PATJ: variants seen among roughly 807,000 people sequenced by gnomAD.
The protein encoded by PATJ is inaD-like protein.
In PATJ, 190 loss-of-function variants were observed where a neutral mutation model predicts 224.9. The observed-to-expected ratio is 0.84, with a 90% CI of 0.75 to 0.95. The LOEUF is 0.95. Among genes scored for constraint, PATJ ranks in the 40% least tolerant of loss-of-function variants. The pLI is 0.00. For missense variants in PATJ, 2,121 were observed against 2,270.3 expected, an observed-to-expected ratio of 0.93 and a Z score of 1.34; for synonymous variants, 769 against 820.3, an observed-to-expected ratio of 0.94 and a Z score of 1.07.
intron 27 of PATJ, among the ~76,000 whole-genome samples, chr1:61,989,868 T>C (rs1314324000): frequency 6.6e-6 from 1 of 152,146 alleles, no homozygotes; most frequent in Admixed American, 6.6e-5. Flanking sequence ...AGTACCTTCA[T>C]TCTCAAAAAT....
At position 62,086,242 on chromosome 1, in the gene PATJ, GTA is replaced by G. The variant is rs1051511669; in HGVS notation, c.4377+1596_4377+1597del. ...TTAATTAATGCATGTGTGTGTGTGTGTATGTGTGTGTGTGTGTTTAATACCTG... is the reference window on the plus strand; with the variant it reads ...TTAATTAATGCATGTGTGTGTGTGTGTGTGTGTGTGTGTGTTTAATACCTG... On this transcript the variant is annotated intron_variant, in intron 33 of 43. Coordinates refer to ENST00000642238, the MANE Select transcript of PATJ (RefSeq NM_001350145.3). This position sits in a 1 kb window ranked among gnomAD's most constrained non-coding sequence, Gnocchi z 4.0. 1.3e-5 allele frequency among the ~76,000 whole-genome samples: 2 copies of G among 150,398 alleles called. No homozygotes were observed. Among genetic ancestry groups the G allele is most frequent in the East Asian group, 1.9e-4 (1 of 5,174 alleles).
intron 27 of PATJ, among the ~76,000 whole-genome samples, chr1:61,971,852 A>G (rs72676289): frequency 0.013 from 1,996 of 151,398 alleles, 19 homozygotes; most frequent in Non-Finnish European, 0.02. Context: ...ATCCAGGTAC[A>G]ATGGTGGGTA....
At chr1:61,838,611 C>T (rs1660595446) in intron 17 of PATJ, among the ~76,000 whole-genome samples, 1 of 148,742 alleles carries the variant, frequency 6.7e-6, no homozygotes, top group South Asian at 2.1e-4. Flanking sequence ...ACCTCGTGAT[C>T]CACCTGCCTT....
intron 28 of PATJ, among the ~76,000 whole-genome samples, chr1:62,004,267 A>C (rs1645963951): frequency 6.6e-6 from 1 of 152,226 alleles, no homozygotes; most frequent in African/African-American, 2.4e-5. Context: ...CCTAGAACAC[A>C]GTGTTTAATA....
At chr1:61,751,064 C>T (rs1478928654) in intron 1 of PATJ, among the ~76,000 whole-genome samples, 4 of 146,496 alleles carry the variant, frequency 2.7e-5, no homozygotes, top group Admixed American at 7.0e-5. Flanking sequence ...TGCAGTGGTG[C>T]GATCTCCACT....
At chr1:61,897,457 G>A (rs1344142372) in intron 22 of PATJ, among the ~76,000 whole-genome samples, 2 of 152,196 alleles carry the variant, frequency 1.3e-5, no homozygotes, top group Non-Finnish European at 2.9e-5. Context: ...GTTGTCATCA[G>A]GGTCTTAAAT....
In PATJ at chr1:61,770,532, CATG is replaced by C. The variant is rs1355765717; in HGVS notation, c.525-896_525-894del. 2.6e-5 allele frequency among the ~76,000 whole-genome samples: 4 copies of C among 152,126 alleles called. No individual in the cohort carries two copies. In the East Asian group the frequency reaches 7.7e-4, roughly 29 times the overall value. ...AAAGCACTCAACATAGTACCTGACT[CATG>C]ATAAGTGCTCAGTAAATACTATTTT... is the stretch of plus-strand genomic sequence containing the variant. On this transcript the variant is annotated intron_variant, in intron 5 of 43. Coordinates refer to ENST00000642238, the MANE Select transcript of PATJ (RefSeq NM_001350145.3).
intron 31 of PATJ, chr1:62,073,126 T>C (rs1657718646): frequency 1.0e-6 from 1 of 985,268 alleles, no homozygotes; most frequent in Non-Finnish European, 1.2e-6. Context: ...GTTTTGCTCT[T>C]CTGGGGTTGC....
At chr1:61,781,718 C>T (rs999453156) in intron 7 of PATJ, among the ~76,000 whole-genome samples, 7 of 152,174 alleles carry the variant, frequency 4.6e-5, no homozygotes. Flanking sequence ...CTAAAATAGT[C>T]CCCAAGACCA....
Position 62,162,524 on chromosome 1 carries a change from G to T in PATJ, c.*1470G>T, listed in dbSNP as rs1204932024. 2 of 152,194 alleles carry T rather than the reference G, an allele frequency of 1.3e-5. No individual in the cohort carries two copies. The highest frequency in any genetic ancestry group is 2.4e-5 in the African/African-American group (1 of 41,442). 9.4% of individuals were successfully genotyped at this position (152,194 alleles called of 1,614,324 possible). On this transcript the variant is annotated 3_prime_UTR_variant, in exon 44 of 44. Transcript: ENST00000642238. ...GGAGACTCCCATTTGCTGAAGTTTT[G>T]CATGCTAAGAAATCAACTACAGCAG...
intron 28 of PATJ, among the ~76,000 whole-genome samples, chr1:62,005,195 G>A (rs1314589059): frequency 6.6e-6 from 1 of 151,528 alleles, no homozygotes; most frequent in African/African-American, 2.4e-5. Flanking sequence ...GAGAGCAGTG[G>A]CGTGATCTCA....
At chr1:62,146,069 G>A (rs1192923174) in intron 41 of PATJ, among the ~76,000 whole-genome samples, 1 of 152,150 alleles carries the variant, frequency 6.6e-6, no homozygotes, top group Non-Finnish European at 1.5e-5. Context: ...GGAAAGGTTA[G>A]AGTGGCCAGG....
At chr1:61,871,389 ATATATATATATGTG>A (rs1190170855) in intron 20 of PATJ, among the ~76,000 whole-genome samples, 2 of 88,402 alleles carry the variant, frequency 2.3e-5, no homozygotes, top group African/African-American at 5.2e-5. Context: ...TTTTTTGTGT[ATATATATATATGTG>A]TATATATATA....
intron 14 of PATJ, among the ~76,000 whole-genome samples, chr1:61,816,979 C>T (rs1035742563): frequency 1.3e-5 from 2 of 152,086 alleles, no homozygotes; most frequent in East Asian, 1.9e-4. Flanking sequence ...TGCCTCACTC[C>T]GTAGAGAATT....
At chr1:61,884,523 T>C in intron 22 of PATJ, 115 bp downstream of exon 22, 1 of 716,990 alleles carries the variant, frequency 1.4e-6, no homozygotes, top group Non-Finnish European at 2.1e-6. Flanking sequence ...TACAGAAAAA[T>C]ATTATGAATA....
intron 17 of PATJ, among the ~76,000 whole-genome samples, chr1:61,834,127 C>T (rs994679096): frequency 1.3e-5 from 2 of 152,114 alleles, no homozygotes; most frequent in Non-Finnish European, 2.9e-5. Flanking sequence ...TTTAAGCATA[C>T]AGTTCAGTCG....
chr1:61,942,869 G>A (rs2149350186), intron 27 of PATJ, among the ~76,000 whole-genome samples: 2 of 152,180 alleles, frequency 1.3e-5, no homozygotes, highest in Middle Eastern at 3.4e-3. Flanking sequence ...TTAAAAGTCT[G>A]CATATAGGTT....
intron 8 of PATJ, 74 bp from the exon 9 acceptor site, chr1:61,791,274 C>A: frequency 1.2e-6 from 1 of 861,256 alleles, no homozygotes; most frequent in Non-Finnish European, 1.9e-6. Context: ...ACTTGACAAA[C>A]CTTGCACAGA....
chr1:62,095,284 G>C (rs1292070838), intron 33 of PATJ, among the ~76,000 whole-genome samples: 1 of 152,174 alleles, frequency 6.6e-6, no homozygotes, highest in African/African-American at 2.4e-5. Context: ...CTCAGGTCCT[G>C]CATGCTCTTG....
Sources: allele counts gnomAD v4.1 joint callset (sites outside exome capture counted in the v4.1 genomes callset), GRCh38; gene constraint gnomAD v4.1.1; non-coding constraint Gnocchi (gnomAD v3.1); transcripts MANE v1.5; gene names NCBI Gene and HGNC (gene_info 2026-07-23, HGNC 2026-07-21).